CNTN5: variants seen among roughly 807,000 people sequenced by gnomAD.
The protein encoded by CNTN5 is contactin 5.
A neutral mutation model predicts 129.1 loss-of-function variants in CNTN5; 77 were observed. The ratio of observed to expected loss-of-function variants is 0.60; its 90% CI spans 0.50 to 0.72. The LOEUF is 0.72. Ranked by LOEUF, CNTN5 falls within the 30% of genes least tolerant of loss-of-function variation. CNTN5 has a pLI of 0.00. For missense variants in CNTN5, 1,478 were observed against 1,328.8 expected (o/e 1.11, Z -1.75); for synonymous variants, 509 against 465.6 (o/e 1.09, Z -1.20).
chr11:100,243,646 G>A (rs2138688635), intron 16 of CNTN5, among the ~76,000 whole-genome samples: 1 of 152,270 alleles, frequency 6.6e-6, no homozygotes, highest in Middle Eastern at 3.4e-3. Flanking sequence ...AATTACTTCT[G>A]TTTCTGCACA....
chr11:99,790,192 A>G (rs558065469), intron 3 of CNTN5, among the ~76,000 whole-genome samples: 75 of 151,944 alleles, frequency 4.9e-4, no homozygotes, highest in Admixed American at 2.4e-3. Context: ...TAAAATTTTT[A>G]TTTTAGGTTC....
At chr11:100,126,615 T>C (rs1214996500) in intron 13 of CNTN5, among the ~76,000 whole-genome samples, 2 of 152,140 alleles carry the variant, frequency 1.3e-5, no homozygotes, top group African/African-American at 2.4e-5. Context: ...TGCTGTTTTA[T>C]GTTTTCCTTT....
intron 13 of CNTN5, among the ~76,000 whole-genome samples, chr11:100,181,683 G>T (rs1440202930): frequency 6.6e-6 from 1 of 151,950 alleles, no homozygotes; most frequent in Non-Finnish European, 1.5e-5. Context: ...ACTGAGGAAA[G>T]CATAGAAGGA....
chr11:99,120,905 G>C (rs1331782077), intron 1 of CNTN5, among the ~76,000 whole-genome samples: 1 of 151,992 alleles, frequency 6.6e-6, no homozygotes, highest in African/African-American at 2.4e-5. Context: ...ATTTACCCAG[G>C]CTTATATATT....
At chr11:100,235,417 G>T (rs1949589766) in intron 16 of CNTN5, among the ~76,000 whole-genome samples, 1 of 152,108 alleles carries the variant, frequency 6.6e-6, no homozygotes, top group South Asian at 2.1e-4. Context: ...ATAGCTGAAG[G>T]CAGCTGTTCT....
chr11:99,117,439 T>G (rs1005218910), intron 1 of CNTN5, among the ~76,000 whole-genome samples: 2 of 152,140 alleles, frequency 1.3e-5, no homozygotes, highest in South Asian at 2.1e-4. Flanking sequence ...TTTTTGAACT[T>G]TATATAATTT....
At chr11:99,733,201 T>C (rs538698002) in intron 3 of CNTN5, among the ~76,000 whole-genome samples, 22 of 151,690 alleles carry the variant, frequency 1.5e-4, no homozygotes, top group Admixed American at 5.9e-4. Context: ...GGGGTGCCTG[T>C]AATCCCATCT....
chr11:99,850,512 T>C (rs1221678082), intron 6 of CNTN5, among the ~76,000 whole-genome samples: 3 of 152,174 alleles, frequency 2.0e-5, no homozygotes, highest in Non-Finnish European at 4.4e-5. Context: ...TCATTTCTAT[T>C]CATTTGTCAC....
At chr11:99,889,526 A>G (rs982068514) in intron 6 of CNTN5, among the ~76,000 whole-genome samples, 1 of 145,254 alleles carries the variant, frequency 6.9e-6, no homozygotes, top group African/African-American at 2.6e-5. Flanking sequence ...TCCACTAGAC[A>G]TTCTTTTTTT....
chr11:100,237,669 A>G (rs1949650779), intron 16 of CNTN5, among the ~76,000 whole-genome samples: 1 of 152,180 alleles, frequency 6.6e-6, no homozygotes, highest in South Asian at 2.1e-4. Context: ...TGAACACCAG[A>G]TGATTCTTTT....
At chr11:100,017,087 G>A (rs1286001614) in intron 9 of CNTN5, among the ~76,000 whole-genome samples, 3 of 151,794 alleles carry the variant, frequency 2.0e-5, no homozygotes, top group African/African-American at 7.3e-5. Context: ...TTCTTTGGGA[G>A]GTTGAATCAA....
chr11:99,100,457 T>C (rs901205681), intron 1 of CNTN5, among the ~76,000 whole-genome samples: 18 of 152,186 alleles, frequency 1.2e-4, no homozygotes, highest in Admixed American at 2.0e-4. Context: ...ATATTGTTTT[T>C]TGGCTTTCAT....
intron 1 of CNTN5, among the ~76,000 whole-genome samples, chr11:99,086,824 AATTAT>A (rs1477276350): frequency 6.6e-6 from 1 of 152,200 alleles, no homozygotes; most frequent in African/African-American, 2.4e-5. Flanking sequence ...GGGTTACAGT[AATTAT>A]ATTAATAATT....
chr11:99,823,651 AAAT>A (rs1251461151), intron 4 of CNTN5, among the ~76,000 whole-genome samples: 3 of 152,306 alleles, frequency 2.0e-5, no homozygotes, highest in East Asian at 1.9e-4. Flanking sequence ...AACATAAAGG[AAAT>A]AATAATTTCA....
At chr11:100,190,702 A>G (rs1424011670) in intron 13 of CNTN5, among the ~76,000 whole-genome samples, 1 of 148,254 alleles carries the variant, frequency 6.7e-6, no homozygotes, top group African/African-American at 2.5e-5. Flanking sequence ...TGTGTTCTGT[A>G]CTTATACTCC....
chr11:99,857,863 C>T (rs1270047895), intron 6 of CNTN5, among the ~76,000 whole-genome samples: 1 of 151,956 alleles, frequency 6.6e-6, no homozygotes, highest in Non-Finnish European at 1.5e-5. Context: ...TAAAAGTTTC[C>T]TATCCGTTTC....
chr11:99,148,087 C>T (rs1227690568), intron 1 of CNTN5, among the ~76,000 whole-genome samples: 3 of 151,858 alleles, frequency 2.0e-5, no homozygotes, highest in Admixed American at 2.0e-4. Context: ...TTTTATATTA[C>T]ATTTAAAAAG....
intron 6 of CNTN5, among the ~76,000 whole-genome samples, chr11:99,892,845 T>C (rs929209368): frequency 1.3e-5 from 2 of 152,182 alleles, no homozygotes; most frequent in South Asian, 4.1e-4. Flanking sequence ...TTTAAAGTAG[T>C]TTTTTCTAAT....
intron 2 of CNTN5, among the ~76,000 whole-genome samples, chr11:99,330,151 AGAAAG>A (rs898686469): frequency 1.4e-5 from 2 of 143,024 alleles, no homozygotes; most frequent in African/African-American, 2.5e-5. Flanking sequence ...AAACAAGAAA[AGAAAG>A]GAAGGAAGGG....
Sources: gnomAD v4.1 joint callset for allele counts (sites outside exome capture counted in the v4.1 genomes callset) on GRCh38, gnomAD v4.1.1 for gene constraint, MANE v1.5 for transcripts, NCBI Gene and HGNC (gene_info 2026-07-23, HGNC 2026-07-21) for gene names.